The following TIMP3 variants were observed in gnomAD, a reference collection of about 807,000 sequenced individuals.
TIMP3 encodes the protein TIMP metallopeptidase inhibitor 3.
A neutral mutation model predicts 30.0 loss-of-function variants in TIMP3; 11 were observed. The ratio of observed to expected loss-of-function variants is 0.37; its 90% CI spans 0.23 to 0.61. The LOEUF is 0.61. Ranked by LOEUF, TIMP3 falls within the 20% of genes least tolerant of loss-of-function variation. The probability of loss-of-function intolerance (pLI) is 0.70; values close to 1 mark genes in which losing one functional copy is unlikely to be tolerated. For missense variants in TIMP3, 181 were observed against 276.8 expected, an observed-to-expected ratio of 0.65 and a Z score of 2.45; for synonymous variants, 112 against 111.3, an observed-to-expected ratio of 1.01 and a Z score of -0.04.
chr22:32,816,395 C>A (rs2047089630), intron 1 of TIMP3, among the ~76,000 whole-genome samples: 1 of 152,120 alleles, frequency 6.6e-6, no homozygotes, highest in Non-Finnish European at 1.5e-5. Flanking sequence ...TGGGTGAGCA[C>A]TTAGCCAGTA....
intron 1 of TIMP3, among the ~76,000 whole-genome samples, chr22:32,839,178 T>C (rs778959964): frequency 1.3e-5 from 2 of 151,984 alleles, no homozygotes; most frequent in African/African-American, 2.4e-5. Context: ...GTTTGAGGTA[T>C]GGTCCCAGCT....
chr22:32,849,303 T>TCA, intron 1 of TIMP3, 149 bp from the exon 2 acceptor site: 1 of 690,350 alleles, frequency 1.4e-6, no homozygotes, highest in Non-Finnish European at 2.6e-6. Flanking sequence ...GAATTCCCAC[T>TCA]CTTGTAAACA....
Position 32,851,961 on chromosome 22 carries a change from CCT to C in TIMP3, c.204+2434_204+2435del, listed in dbSNP as rs1403401937. ...CCATCCTCTCGTGCTTCCTTCCCAC[CCT>C]CTCTCTGTGCTTAGTACTGTACTAT... On this transcript the variant is annotated intron_variant, in intron 2 of 4. Transcript: ENST00000266085. Among the ~76,000 whole-genome samples the C allele has an allele frequency of 2.0e-5, 3 of 152,150 alleles. No individual in the cohort carries two copies. In the East Asian group the frequency reaches 5.8e-4, roughly 29 times the overall value.
chr22:32,807,401 A>AT (rs1569239976), intron 1 of TIMP3, among the ~76,000 whole-genome samples: 4 of 123,574 alleles, frequency 3.2e-5, no homozygotes, highest in Admixed American at 2.0e-4. Flanking sequence ...TATAATATAT[A>AT]TATATTATAT....
chr22:32,809,978 G>A (rs1311789306), intron 1 of TIMP3, among the ~76,000 whole-genome samples: 1 of 152,130 alleles, frequency 6.6e-6, no homozygotes. Flanking sequence ...ACCATGCCTG[G>A]GATAGACAGC....
rs1026966028 is a variant in TIMP3, at chr22:32,860,465, A to G, written c.*1088A>G. 3 of 152,678 alleles carry G rather than the reference A, an allele frequency of 2.0e-5. No homozygotes were observed. The highest frequency in any genetic ancestry group is 2.1e-4 in the South Asian group (1 of 4,820). The allele number at this position is 152,678 out of a possible 1,614,324, so 9.5% of individuals were successfully genotyped here. A position where few individuals can be genotyped will look rare whatever the true frequency, so the allele number is the denominator to read the frequency against. ...CTGTTCAATGCTGTTAAATATGCCA[A>G]TAGTTTAATCTCTTCTATTTTGTTG... is the stretch of plus-strand genomic sequence containing the variant. On this transcript the variant is annotated 3_prime_UTR_variant, in exon 5 of 5. Coordinates refer to ENST00000266085, the MANE Select transcript of TIMP3 (RefSeq NM_000362.5).
Position 32,846,795 on chromosome 22 carries a change from A to G in TIMP3, c.122-2657A>G, listed in dbSNP as rs547105932. 2.6e-5 allele frequency among the ~76,000 whole-genome samples: 4 copies of G among 152,366 alleles called. No individual in the cohort carries two copies. The East Asian group carries it at 7.7e-4, about 29-fold the overall frequency. ...GAAAGCCAGAGAGATTCAGGAGGAA[A>G]GAGCCCCAGAGAGATCATACAGTAA... On this transcript the variant is annotated intron_variant, in intron 1 of 4. Coordinates refer to ENST00000266085, the MANE Select transcript of TIMP3 (RefSeq NM_000362.5).
At chr22:32,829,389 C>G (rs970853584) in intron 1 of TIMP3, among the ~76,000 whole-genome samples, 6 of 152,206 alleles carry the variant, frequency 3.9e-5, no homozygotes, top group African/African-American at 1.4e-4. Flanking sequence ...CCAGCTGGCT[C>G]CCAGTTGGCA....
At chr22:32,836,607 T>A (rs2047736202) in intron 1 of TIMP3, among the ~76,000 whole-genome samples, 1 of 152,216 alleles carries the variant, frequency 6.6e-6, no homozygotes, top group Non-Finnish European at 1.5e-5. Context: ...TGAAGACCTA[T>A]GTATGGGCTC....
intron 2 of TIMP3, among the ~76,000 whole-genome samples, chr22:32,855,229 A>G (rs187303349): frequency 1.4e-4 from 21 of 152,330 alleles, no homozygotes; most frequent in African/African-American, 5.0e-4. Context: ...AGTTCACAGT[A>G]TCGCCTTGGC....
At chr22:32,834,858 G>A (rs551943827) in intron 1 of TIMP3, among the ~76,000 whole-genome samples, 3 of 152,330 alleles carry the variant, frequency 2.0e-5, no homozygotes, top group East Asian at 1.9e-4. Context: ...GACCTAGTTT[G>A]TGGAACAGTC....
intron 1 of TIMP3, among the ~76,000 whole-genome samples, chr22:32,802,638 G>A (rs998726949): frequency 2.0e-5 from 3 of 152,134 alleles, no homozygotes; most frequent in African/African-American, 7.2e-5. Flanking sequence ...CAACCCAGCT[G>A]CAGGCTTCCC....
intron 1 of TIMP3, among the ~76,000 whole-genome samples, chr22:32,811,157 A>G (rs1420433695): frequency 6.6e-6 from 1 of 152,052 alleles, no homozygotes; most frequent in Non-Finnish European, 1.5e-5. Flanking sequence ...AACTGACTAT[A>G]CGGTAATAAA....
intron 1 of TIMP3, among the ~76,000 whole-genome samples, chr22:32,808,908 C>T (rs945360382): frequency 1.3e-5 from 2 of 152,198 alleles, no homozygotes; most frequent in African/African-American, 4.8e-5. Flanking sequence ...GAGGGATAAA[C>T]CTAACCCACT....
At chr22:32,851,653 CAG>C (rs2048221660) in intron 2 of TIMP3, among the ~76,000 whole-genome samples, 1 of 152,140 alleles carries the variant, frequency 6.6e-6, no homozygotes. Context: ...ATGACTTACT[CAG>C]AGTCAAGCAT....
chr22:32,840,755 G>T (rs2146194930), intron 1 of TIMP3, among the ~76,000 whole-genome samples: 1 of 152,232 alleles, frequency 6.6e-6, no homozygotes, highest in South Asian at 2.1e-4. Flanking sequence ...GCCATCTCCA[G>T]GGCGATTCCC....
At chr22:32,855,331 C>T (rs2146275441) in intron 2 of TIMP3, among the ~76,000 whole-genome samples, 1 of 152,326 alleles carries the variant, frequency 6.6e-6, no homozygotes, top group Non-Finnish European at 1.5e-5. Context: ...TGACTCTGGG[C>T]ACACACTGTG....
chr22:32,836,503 A>G (rs1238022281), intron 1 of TIMP3, among the ~76,000 whole-genome samples: 1 of 152,218 alleles, frequency 6.6e-6, no homozygotes, highest in Non-Finnish European at 1.5e-5. Flanking sequence ...TATTTTATTT[A>G]AAATGAAGGT....
At chr22:32,811,217 T>G (rs934443184) in intron 1 of TIMP3, among the ~76,000 whole-genome samples, 3 of 152,040 alleles carry the variant, frequency 2.0e-5, no homozygotes, top group Admixed American at 1.3e-4. Flanking sequence ...AAATCAAAGA[T>G]AAGCAGACTG....
Sources: allele counts gnomAD v4.1 joint callset (sites outside exome capture counted in the v4.1 genomes callset), GRCh38; gene constraint gnomAD v4.1.1; transcripts MANE v1.5; gene names NCBI Gene and HGNC (gene_info 2026-07-23, HGNC 2026-07-21).